The following FGF14 variants were observed in gnomAD, a reference collection of about 807,000 sequenced individuals.
FGF14 encodes the protein fibroblast growth factor 14.
A neutral mutation model predicts 25.5 loss-of-function variants in FGF14; 5 were observed. That is an observed-to-expected ratio of 0.20 (90% CI 0.10 to 0.41). The LOEUF is 0.41. Ranked by LOEUF, FGF14 falls within the 10% of genes least tolerant of loss-of-function variation. The pLI is 1.00. For missense variants in FGF14, 222 were observed against 320.1 expected (o/e 0.69, Z 2.34); for synonymous variants, 138 against 118.3 (o/e 1.17, Z -1.08).
chr13:102,243,653 A>T (rs1268107284), intron 1 of FGF14, among the ~76,000 whole-genome samples: 1 of 67,044 alleles, frequency 1.5e-5, no homozygotes, highest in Non-Finnish European at 2.6e-5. Flanking sequence ...GACTTTGGGC[A>T]TGTTTTTTTT....
chr13:101,736,233 C>T (rs1428940799), intron 3 of FGF14, among the ~76,000 whole-genome samples: 1 of 151,958 alleles, frequency 6.6e-6, no homozygotes, highest in Admixed American at 6.6e-5. Flanking sequence ...TGTATATATA[C>T]ATAACTATAT....
chr13:101,771,135 T>A (rs2038743752), intron 3 of FGF14, among the ~76,000 whole-genome samples: 1 of 152,048 alleles, frequency 6.6e-6, no homozygotes, highest in Non-Finnish European at 1.5e-5. Flanking sequence ...TGCAGAAGGA[T>A]GTTTGGTGCA....
chr13:102,213,240 G>A (rs1284767062), intron 1 of FGF14, among the ~76,000 whole-genome samples: 1 of 152,118 alleles, frequency 6.6e-6, no homozygotes, highest in Non-Finnish European at 1.5e-5. Flanking sequence ...TATTAACAGA[G>A]CTTTACTTCT....
At chr13:101,976,562 T>C (rs78572265) in intron 1 of FGF14, among the ~76,000 whole-genome samples, 229 of 152,254 alleles carry the variant, frequency 1.5e-3, no homozygotes, top group Middle Eastern at 6.8e-3. Flanking sequence ...TAGCCCCCAA[T>C]AGGTTGTTTT....
rs139697452 is a variant in FGF14 at position 102,237,618 on chromosome 13, C to CA, written c.208+163852dup. On this transcript the variant is annotated intron_variant, in intron 1 of 4. Coordinates refer to the FGF14 transcript ENST00000376131. ...AAAAAAAAGAATTACAAACCTGGTT[C>CA]AAATCAAGCTAAAAATTTTTTGATA... is the stretch of plus-strand genomic sequence containing the variant. Among the ~76,000 whole-genome samples, 686 of 148,826 alleles carry CA rather than the reference C, an allele frequency of 4.6e-3. 9 individuals are homozygous for CA. Among genetic ancestry groups the CA allele is most frequent in the East Asian group, 0.03 (150 of 5,062 alleles).
At chr13:101,823,625 C>T (rs147915841) in intron 3 of FGF14, among the ~76,000 whole-genome samples, 15 of 150,242 alleles carry the variant, frequency 1.0e-4, no homozygotes, top group East Asian at 2.0e-4. Context: ...TTAGTAGAGA[C>T]GGGGTTTCTC....
intron 1 of FGF14, among the ~76,000 whole-genome samples, chr13:101,924,373 CAT>C (rs147885667): frequency 0.01 from 1,592 of 152,216 alleles, 34 homozygotes; most frequent in African/African-American, 0.037. Context: ...TCTGCACACA[CAT>C]GTTGTATGCA....
At chr13:101,806,632 T>C (rs2041221610) in intron 3 of FGF14, among the ~76,000 whole-genome samples, 1 of 152,068 alleles carries the variant, frequency 6.6e-6, no homozygotes, top group South Asian at 2.1e-4. Flanking sequence ...AATAATCTAG[T>C]TTAATAGAAT....
intron 1 of FGF14, among the ~76,000 whole-genome samples, chr13:101,935,763 C>T (rs1055254494): frequency 1.3e-5 from 2 of 152,150 alleles, no homozygotes; most frequent in African/African-American, 4.8e-5. Context: ...TCCCCAGAAA[C>T]ATATGCCCCC....
intron 1 of FGF14, among the ~76,000 whole-genome samples, chr13:102,302,418 G>T (rs137908406): frequency 8.2e-4 from 124 of 152,050 alleles, no homozygotes; most frequent in African/African-American, 2.8e-3. Flanking sequence ...AGATCAGCCT[G>T]CCCAACAGTC....
At chr13:102,076,948 G>T (rs1286605948) in intron 1 of FGF14, among the ~76,000 whole-genome samples, 2 of 151,984 alleles carry the variant, frequency 1.3e-5, no homozygotes, top group African/African-American at 2.4e-5. Flanking sequence ...ATACATCAAT[G>T]GAACAGAATA....
intron 4 of FGF14, among the ~76,000 whole-genome samples, chr13:101,724,216 A>G (rs997383799): frequency 2.6e-5 from 4 of 152,074 alleles, no homozygotes; most frequent in African/African-American, 2.4e-5. Flanking sequence ...TCGTCCAACA[A>G]TGATAGACTG....
chr13:102,219,092 T>C (rs908211664), intron 1 of FGF14, among the ~76,000 whole-genome samples: 22 of 152,234 alleles, frequency 1.4e-4, no homozygotes, highest in African/African-American at 5.3e-4. Context: ...AATATTCCAA[T>C]TATACTCTTA....
intron 1 of FGF14, among the ~76,000 whole-genome samples, chr13:102,154,475 T>C (rs941281491): frequency 2.0e-5 from 3 of 152,142 alleles, no homozygotes; most frequent in East Asian, 1.9e-4. Flanking sequence ...CTGAGAGATT[T>C]TGTCACCACC....
intron 1 of FGF14, among the ~76,000 whole-genome samples, chr13:101,906,901 C>A (rs1235724729): frequency 1.3e-5 from 2 of 152,064 alleles, no homozygotes; most frequent in Non-Finnish European, 2.9e-5. Context: ...AGGAACAAAT[C>A]TATCCATGAA....
At position 101,851,635 on chromosome 13, in the gene FGF14, C is replaced by T. The variant is rs186637440; in HGVS notation, c.408+17090G>A. 1.9e-3 allele frequency among the ~76,000 whole-genome samples: 295 copies of T among 152,198 alleles called. 2 individuals carry two copies. The highest frequency in any genetic ancestry group is 6.8e-3 in the Middle Eastern group (2 of 294). On this transcript the variant is annotated intron_variant, in intron 3 of 4. Transcript: ENST00000376143. ...GAGGGACTTCAACCTATGCCTCTGG[C>T]TTCTTCTCATCCCCTTTCCTAGCTC...
At chr13:102,076,546 T>C (rs2043371242) in intron 1 of FGF14, among the ~76,000 whole-genome samples, 1 of 152,172 alleles carries the variant, frequency 6.6e-6, no homozygotes, top group African/African-American at 2.4e-5. Flanking sequence ...CACAACTGTT[T>C]TGGGGAAAAA....
At chr13:101,917,050 G>A (rs1205412327), upstream of FGF14, among the ~76,000 whole-genome samples, 1 of 151,430 alleles carries the variant, frequency 6.6e-6, no homozygotes, top group Non-Finnish European at 1.5e-5. Context: ...AGGTAGAGCC[G>A]GCCGGCGGCT....
At chr13:102,008,533 A>G (rs758034497) in intron 1 of FGF14, among the ~76,000 whole-genome samples, 1 of 152,214 alleles carries the variant, frequency 6.6e-6, no homozygotes, top group Non-Finnish European at 1.5e-5. Context: ...AAGTACAAAG[A>G]TAGTGACGTT....
Sources: gnomAD v4.1 joint callset for allele counts (sites outside exome capture counted in the v4.1 genomes callset) on GRCh38, gnomAD v4.1.1 for gene constraint, MANE v1.5 for transcripts, NCBI Gene and HGNC (gene_info 2026-07-23, HGNC 2026-07-21) for gene names.